Variants in FRMPD4 observed in about 807,000 individuals in gnomAD.
FRMPD4 encodes the protein FERM and PDZ domain-containing protein 4.
A neutral mutation model predicts 94.1 loss-of-function variants in FRMPD4; 22 were observed. The ratio of observed to expected loss-of-function variants is 0.23; its 90% CI spans 0.17 to 0.33. The LOEUF (loss-of-function observed/expected upper bound fraction) is 0.33, where lower values mean the gene tolerates loss of function less well. Among genes scored for constraint, FRMPD4 ranks in the 10% least tolerant of loss-of-function variants. FRMPD4 has a pLI of 1.00. For synonymous variants in FRMPD4, 631 were observed against 548.6 expected (o/e 1.15, Z -2.10); for missense variants, 1,111 against 1,339.9 (o/e 0.83, Z 2.67).
chrX:12,069,864 T>C (rs2054951764), intron 3 of FRMPD4, among the ~76,000 whole-genome samples: 1 of 111,585 alleles, frequency 9.0e-6, no homozygotes, highest in Admixed American at 9.5e-5. Context: ...ATCATGGGAA[T>C]TGACTTCATG....
At chrX:12,328,974 G>A (rs1289668835) in intron 1 of FRMPD4, among the ~76,000 whole-genome samples, 3 of 112,350 alleles carry the variant, frequency 2.7e-5, no homozygotes, top group African/African-American at 9.7e-5. Flanking sequence ...ATTAATTGGA[G>A]AAAAGGCATA....
chrX:12,303,471 G>A (rs1300662421), intron 1 of FRMPD4, among the ~76,000 whole-genome samples: 1 of 111,489 alleles, frequency 9.0e-6, no homozygotes, highest in Admixed American at 9.5e-5. Flanking sequence ...AGATAAATGT[G>A]CTTATTGTAA....
chrX:11,840,045 A>G (rs2053525240), intron 1 of FRMPD4, among the ~76,000 whole-genome samples: 1 of 111,635 alleles, frequency 9.0e-6, no homozygotes, highest in African/African-American at 3.3e-5. Flanking sequence ...CCTTTTTCAA[A>G]AATATTTTAA....
At chrX:12,022,497 G>C (rs1390762136) in intron 3 of FRMPD4, among the ~76,000 whole-genome samples, 1 of 112,113 alleles carries the variant, frequency 8.9e-6, no homozygotes, top group African/African-American at 3.2e-5. Context: ...CTCACTCCTA[G>C]GTCATTCCAT....
chrX:11,838,486 A>G (rs2053514521), intron 1 of FRMPD4, among the ~76,000 whole-genome samples: 1 of 111,753 alleles, frequency 8.9e-6, no homozygotes, highest in Admixed American at 9.5e-5. Context: ...TGTAAAATAA[A>G]TATTTTACAT....
intron 3 of FRMPD4, among the ~76,000 whole-genome samples, chrX:11,902,542 A>G (rs992206094): frequency 8.9e-6 from 1 of 111,736 alleles, no homozygotes; most frequent in African/African-American, 3.3e-5. Flanking sequence ...GAATTTATCT[A>G]TTAATAAACC....
intron 1 of FRMPD4, among the ~76,000 whole-genome samples, chrX:12,178,957 A>G (rs1394359282): frequency 2.9e-5 from 3 of 104,645 alleles, no homozygotes; most frequent in Non-Finnish European, 5.8e-5. Context: ...GTGGCTTAGA[A>G]TAATAGCAAC....
chrX:12,140,364 G>T (rs951739334), intron 1 of FRMPD4, among the ~76,000 whole-genome samples: 4 of 112,452 alleles, frequency 3.6e-5, no homozygotes, highest in African/African-American at 1.3e-4. Context: ...GTTAAGCAGT[G>T]GATGATTGTG....
At position 12,721,715 on chromosome X, in the gene FRMPD4, A is replaced by ATT; in HGVS notation, c.5148_5149dup (p.Cys1717PhefsTer4). On this transcript the variant is annotated frameshift_variant, in exon 17 of 17. Coordinates refer to ENST00000675598, the MANE Select transcript of FRMPD4 (RefSeq NM_001368397.1). LOFTEE classifies it high-confidence loss of function. ...GATCGATGAAGTGGTCATAAATTACATTTGTCTACTGAAAGCTGCCGAAGC... is the reference window on the plus strand; with the variant it reads ...GATCGATGAAGTGGTCATAAATTACATTTTTGTCTACTGAAAGCTGCCGAAGC... The ATT allele has an allele frequency of 1.3e-6, 1 of 754,833 alleles. No individual in the cohort carries two copies. The highest frequency in any genetic ancestry group is 2.3e-5 in the African/African-American group (1 of 43,617). 62.2% of individuals were successfully genotyped at this position (754,833 alleles called of 1,213,427 possible).
chrX:12,430,497 CCTTG>C (rs2056998937), intron 1 of FRMPD4, among the ~76,000 whole-genome samples: 1 of 112,117 alleles, frequency 8.9e-6, no homozygotes, highest in African/African-American at 3.2e-5. Flanking sequence ...TAGCAGAGTT[CCTTG>C]CTTATAGTAG....
chrX:12,319,935 CG>C (rs1432381514), intron 1 of FRMPD4, among the ~76,000 whole-genome samples: 1 of 111,695 alleles, frequency 9.0e-6, no homozygotes, highest in Non-Finnish European at 1.9e-5. Flanking sequence ...TGGCCATGGT[CG>C]ATTTCTTTTT....
At chrX:12,612,901 A>G (rs2059196909) in intron 3 of FRMPD4, among the ~76,000 whole-genome samples, 1 of 111,636 alleles carries the variant, frequency 9.0e-6, no homozygotes. Flanking sequence ...TATCAGTAAT[A>G]TAAGGACATG....
chrX:12,591,801 A>G lies in FRMPD4; in HGVS notation c.159-17920A>G, dbSNP rs148418318. On this transcript the variant is annotated intron_variant, in intron 2 of 16. Transcript: ENST00000675598. ...ATAAGGGCTAGCTCAGCTGCACCAT[A>G]CCCTACCTCCTTCTTGCACTTGTTG... 2.4e-4 allele frequency among the ~76,000 whole-genome samples: 27 copies of G among 111,528 alleles called. No homozygotes were observed. The East Asian group carries it at 5.3e-3, about 22-fold the overall frequency.
intron 1 of FRMPD4, among the ~76,000 whole-genome samples, chrX:12,409,690 T>C (rs1030920790): frequency 8.9e-6 from 1 of 112,474 alleles, no homozygotes; most frequent in African/African-American, 3.2e-5. Flanking sequence ...AATGGTCAAA[T>C]AGAAATGATT....
chrX:12,138,414 G>T, upstream of FRMPD4: 1 of 122,859 alleles, frequency 8.1e-6, no homozygotes. Context: ...CCCTCCCCCC[G>T]GGCGGGTGGG....
intron 3 of FRMPD4, among the ~76,000 whole-genome samples, chrX:11,991,875 C>T (rs1485622447): frequency 8.9e-6 from 1 of 111,999 alleles, no homozygotes; most frequent in African/African-American, 3.2e-5. Context: ...TGATAAAGCA[C>T]GTATCTTAGT....
chrX:12,720,649 A>G lies in FRMPD4; in HGVS notation c.4080A>G (p.Pro1360=), dbSNP rs200639149. Residue 1360 remains proline (P), a synonymous_variant, in exon 17 of 17, where the codon CCA becomes CCG. Transcript: ENST00000675598. Reference sequence around the variant, plus strand: ...ACATTCACTCGGAATCAAAGGTGCCAATTCCAAATCAAGACCCTAATGATT... The same window carrying G: ...ACATTCACTCGGAATCAAAGGTGCCGATTCCAAATCAAGACCCTAATGATT... ...PSNIHSESKV[P]IPNQDPNDFS... The G allele has an allele frequency of 1.2e-3, 1,339 of 1,161,223 alleles. 2 individuals carry two copies. Among genetic ancestry groups the G allele is most frequent in the Middle Eastern group, 1.9e-3 (8 of 4,216 alleles).
At chrX:11,844,043 A>G (rs2053558424) in intron 1 of FRMPD4, among the ~76,000 whole-genome samples, 1 of 100,952 alleles carries the variant, frequency 9.9e-6, no homozygotes, top group Admixed American at 1.1e-4. Context: ...GCTGGAGTAC[A>G]ATGGTGTGAT....
At chrX:12,226,205 A>G (rs2056920953) in intron 1 of FRMPD4, among the ~76,000 whole-genome samples, 1 of 111,653 alleles carries the variant, frequency 9.0e-6, no homozygotes, top group Non-Finnish European at 1.9e-5. Context: ...CCTGGGCTCA[A>G]GCGATCCTCC....
Sources: gnomAD v4.1 joint callset for allele counts (sites outside exome capture counted in the v4.1 genomes callset) on GRCh38, gnomAD v4.1.1 for gene constraint, MANE v1.5 for transcripts, NCBI Gene and HGNC (gene_info 2026-07-23, HGNC 2026-07-21) for gene names.